The following ABCB10 variants were observed in gnomAD, a reference collection of about 807,000 sequenced individuals.
ABCB10 encodes ATP binding cassette subfamily B member 10, also known as ATP-binding cassette sub-family B member 10, mitochondrial.
ABCB10 carries 54 observed loss-of-function variants against 65.4 expected under a neutral mutation model. The observed-to-expected ratio is 0.83, with a 90% confidence interval of 0.66 to 1.04. The LOEUF is 1.04. Among genes scored for constraint, ABCB10 ranks in the 50% least tolerant of loss-of-function variants. ABCB10 has a pLI of 0.00. For synonymous variants in ABCB10, 418 were observed against 406.5 expected (o/e 1.03, Z -0.34); for missense variants, 846 against 976.6 (o/e 0.87, Z 1.78).
intron 1 of ABCB10, among the ~76,000 whole-genome samples, chr1:229,552,441 C>T (rs1448949174): frequency 6.6e-6 from 1 of 152,238 alleles, no homozygotes; most frequent in Non-Finnish European, 1.5e-5. Flanking sequence ...CAACTTCTCC[C>T]ATTATCTATT....
chr1:229,538,287 A>G (rs928156515), intron 6 of ABCB10, among the ~76,000 whole-genome samples: 12 of 152,214 alleles, frequency 7.9e-5, no homozygotes, highest in African/African-American at 2.7e-4. Flanking sequence ...AGAGGAGGGA[A>G]GAGGAGGGGC....
chr1:229,553,320 G>C (rs1163580304), intron 1 of ABCB10, among the ~76,000 whole-genome samples: 2 of 152,090 alleles, frequency 1.3e-5, no homozygotes, highest in Non-Finnish European at 2.9e-5. Context: ...ATGTTGGTCA[G>C]GCTGGTCTTG....
intron 1 of ABCB10, among the ~76,000 whole-genome samples, chr1:229,554,729 G>A (rs1473727419): frequency 6.6e-6 from 1 of 152,078 alleles, no homozygotes; most frequent in East Asian, 1.9e-4. Flanking sequence ...TGTAGCACAC[G>A]CACATCCCTG....
chr1:229,521,269 G>A (rs578146227), intron 11 of ABCB10, among the ~76,000 whole-genome samples: 8 of 152,002 alleles, frequency 5.3e-5, no homozygotes, highest in South Asian at 2.1e-4. Flanking sequence ...GCATACTTAC[G>A]CTGTTTTATA....
chr1:229,533,203 A>G (rs1571964651), intron 6 of ABCB10, among the ~76,000 whole-genome samples: 1 of 151,744 alleles, frequency 6.6e-6, no homozygotes, highest in African/African-American at 2.4e-5. Context: ...CTATCACTGA[A>G]CCTCTGCCTC....
intron 6 of ABCB10, 56 bp from the exon 7 acceptor site, chr1:229,531,787 C>T: frequency 5.8e-6 from 8 of 1,382,272 alleles, no homozygotes; most frequent in Non-Finnish European, 7.2e-6. Context: ...TGGCACTGGC[C>T]ACCACTCCTC....
At chr1:229,518,786 A>G in intron 12 of ABCB10, 55 bp downstream of exon 12, 1 of 1,405,354 alleles carries the variant, frequency 7.1e-7, no homozygotes, top group South Asian at 1.3e-5. Flanking sequence ...TGTTTTGGTG[A>G]AGGAAGAATT....
intron 1 of ABCB10, among the ~76,000 whole-genome samples, chr1:229,557,743 T>G (rs1010648179): frequency 3.3e-5 from 5 of 151,624 alleles, no homozygotes; most frequent in Non-Finnish European, 7.4e-5. Flanking sequence ...AAAAAAAAAG[T>G]ATAAACGCCT....
rs1034835447 is a variant in ABCB10 at position 229,547,247 on chromosome 1, A to G, written c.921+252T>C. ...CTGCCTTAATACCCCGGGTACACACATCTCAGAATACCCAGCAGTAACACA... is the reference window on the plus strand; with the variant it reads ...CTGCCTTAATACCCCGGGTACACACGTCTCAGAATACCCAGCAGTAACACA... On this transcript the variant is annotated intron_variant, in intron 3 of 12. Coordinates refer to ENST00000344517, the MANE Select transcript of ABCB10 (RefSeq NM_012089.3). Among the ~76,000 whole-genome samples the G allele has an allele frequency of 3.3e-5, 5 of 152,328 alleles. No individual in the cohort carries two copies. The East Asian group carries it at 5.8e-4, about 18-fold the overall frequency.
chr1:229,557,508 A>C (rs1394511279), intron 1 of ABCB10, among the ~76,000 whole-genome samples: 1 of 152,224 alleles, frequency 6.6e-6, no homozygotes, highest in African/African-American at 2.4e-5. Flanking sequence ...AAAAATGAGG[A>C]GCTATAGAAA....
rs564741833 is a variant in ABCB10 at position 229,524,276 on chromosome 1, C to T, written c.1906+1660G>A. Among the ~76,000 whole-genome samples, 5 of 152,130 alleles carry T rather than the reference C, an allele frequency of 3.3e-5. No homozygotes were observed. In the South Asian group the frequency reaches 1.0e-3, roughly 32 times the overall value. ...CGCTGGGCTCAAGCAGTACTCCTAC[C>T]TCAGCCTCCCGAGTAGCTGGGACCA... On this transcript the variant is annotated intron_variant, in intron 10 of 12. Transcript: ENST00000344517.
At chr1:229,526,145 A>G in intron 9 of ABCB10, 29 bp from the exon 10 acceptor site, 1 of 1,591,288 alleles carries the variant, frequency 6.3e-7, no homozygotes, top group Non-Finnish European at 8.6e-7. Flanking sequence ...ACATATCACG[A>G]ATTTCAAACA....
In ABCB10 at chr1:229,518,101, A is replaced by C; in HGVS notation, c.*78T>G. On this transcript the variant is annotated 3_prime_UTR_variant, in exon 13 of 13. Coordinates refer to ENST00000344517, the MANE Select transcript of ABCB10 (RefSeq NM_012089.3). The stretch of plus-strand genomic sequence containing the variant: ...AAATAACTTGATATATGGTTTATGT[A>C]TTTCATAGTCTCTGAGTTTTTTTTC... 1 of 1,039,036 alleles carries C rather than the reference A, an allele frequency of 9.6e-7. No individual in the cohort carries two copies. Among genetic ancestry groups the C allele is most frequent in the Non-Finnish European group, 1.5e-6 (1 of 687,584 alleles). 64.4% of individuals were successfully genotyped at this position (1,039,036 alleles called of 1,614,324 possible).
At position 229,517,268 on chromosome 1, in the gene ABCB10, T is replaced by C. The variant is rs138822742; in HGVS notation, c.*911A>G. Reference sequence around the variant, plus strand: ...GTCTTAAGGCTGAAAATTAGTTATATTCCTCAAATTTTAGCCTTATTAATG... The same window carrying C: ...GTCTTAAGGCTGAAAATTAGTTATACTCCTCAAATTTTAGCCTTATTAATG... On this transcript the variant is annotated 3_prime_UTR_variant, in exon 13 of 13. Transcript: ENST00000344517. The C allele has an allele frequency of 6.6e-6, 1 of 152,340 alleles. No individual in the cohort carries two copies. Among genetic ancestry groups the C allele is most frequent in the South Asian group, 2.1e-4 (1 of 4,834 alleles). 9.4% of individuals were successfully genotyped at this position (152,340 alleles called of 1,614,324 possible).
Position 229,531,616 on chromosome 1 carries a change from GAAAC to G in ABCB10, c.1435+16_1435+19del, listed in dbSNP as rs1221251153. 1 of 1,611,198 alleles carries G rather than the reference GAAAC, an allele frequency of 6.2e-7. No homozygotes were observed. The highest frequency in any genetic ancestry group is 8.5e-7 in the Non-Finnish European group (1 of 1,178,050). ...AGCCACATTTGTTAATCCTAGCAAA[GAAAC>G]AATTTTCAGACCCACCGTTAAAAGG... On this transcript the variant is annotated intron_variant, in intron 7 of 12. Coordinates refer to ENST00000344517, the MANE Select transcript of ABCB10 (RefSeq NM_012089.3).
chr1:229,517,412 A>G lies in ABCB10; in HGVS notation c.*767T>C, dbSNP rs1662200670. 6.6e-6 allele frequency: 1 copy of G among 152,240 alleles called. No homozygotes were observed. Among genetic ancestry groups the G allele is most frequent in the Non-Finnish European group, 1.5e-5 (1 of 68,038 alleles). 9.4% of individuals were successfully genotyped at this position (152,240 alleles called of 1,614,324 possible). On this transcript the variant is annotated 3_prime_UTR_variant, in exon 13 of 13. Coordinates refer to ENST00000344517, the MANE Select transcript of ABCB10 (RefSeq NM_012089.3). ...TAAATGCAAAAATCATTCATTCTTAATAATACCTAGCAGTTCATGCCTTGC... is the reference window on the plus strand; with the variant it reads ...TAAATGCAAAAATCATTCATTCTTAGTAATACCTAGCAGTTCATGCCTTGC...
intron 11 of ABCB10, among the ~76,000 whole-genome samples, chr1:229,519,526 G>A (rs910474734): frequency 6.6e-6 from 1 of 152,134 alleles, no homozygotes; most frequent in Non-Finnish European, 1.5e-5. Context: ...GGTGGCTCAC[G>A]ACTGTAATCC....
intron 8 of ABCB10, among the ~76,000 whole-genome samples, chr1:229,527,919 T>C (rs1662483366): frequency 6.6e-6 from 1 of 152,222 alleles, no homozygotes; most frequent in African/African-American, 2.4e-5. Flanking sequence ...TCCCTTTCTG[T>C]AATAAGCTTA....
chr1:229,523,163 A>C (rs1025000968), intron 10 of ABCB10, among the ~76,000 whole-genome samples: 1 of 152,210 alleles, frequency 6.6e-6, no homozygotes, highest in African/African-American at 2.4e-5. Context: ...GTGAGGGAAC[A>C]AACTGGAAGT....
Sources: gnomAD v4.1 joint callset for allele counts (sites outside exome capture counted in the v4.1 genomes callset) on GRCh38, gnomAD v4.1.1 for gene constraint, MANE v1.5 for transcripts, NCBI Gene and HGNC (gene_info 2026-07-23, HGNC 2026-07-21) for gene names.